Variants in ADAMTSL1 observed in about 807,000 individuals in gnomAD.
ADAMTSL1 encodes ADAMTS like 1, also known as ADAMTS-like protein 1.
A neutral mutation model predicts 201.8 loss-of-function variants in ADAMTSL1; 126 were observed. The observed-to-expected ratio is 0.62, with a 90% CI of 0.54 to 0.72. ADAMTSL1 has a LOEUF of 0.72. ADAMTSL1 is among the 30% of genes least tolerant of loss of function. The pLI, the probability that ADAMTSL1 is intolerant of heterozygous loss-of-function variation, is 0.00. For synonymous variants in ADAMTSL1, 1,121 were observed against 903.4 expected (o/e 1.24, Z -4.32); for missense variants, 2,679 against 2,277.8 (o/e 1.18, Z -3.59).
At chr9:18,115,342 G>T (rs1294012269) in intron 1 of ADAMTSL1, among the ~76,000 whole-genome samples, 1 of 152,122 alleles carries the variant, frequency 6.6e-6, no homozygotes, top group African/African-American at 2.4e-5. Context: ...ATTTCTGGAA[G>T]GCAGGCAGGA....
intron 4 of ADAMTSL1, among the ~76,000 whole-genome samples, chr9:18,582,388 T>C (rs927605721): frequency 6.6e-6 from 1 of 152,198 alleles, no homozygotes; most frequent in Non-Finnish European, 1.5e-5. Flanking sequence ...TTGTTTGATA[T>C]GGTTTGGCTG....
intron 2 of ADAMTSL1, among the ~76,000 whole-genome samples, chr9:18,464,347 T>A (rs944639254): frequency 3.9e-5 from 6 of 152,240 alleles, no homozygotes; most frequent in African/African-American, 1.4e-4. Context: ...AGAGATTTGA[T>A]TAACAAAAAC....
At chr9:18,150,358 G>A (rs148061041) in intron 1 of ADAMTSL1, among the ~76,000 whole-genome samples, 1 of 152,078 alleles carries the variant, frequency 6.6e-6, no homozygotes, top group Non-Finnish European at 1.5e-5. Context: ...CAAGCAAAAG[G>A]GATGACCTAC....
chr9:18,159,220 A>G (rs1827283378), intron 1 of ADAMTSL1, among the ~76,000 whole-genome samples: 1 of 152,068 alleles, frequency 6.6e-6, no homozygotes. Context: ...CAGGCATAAC[A>G]TATTTTACAG....
intron 1 of ADAMTSL1, among the ~76,000 whole-genome samples, chr9:18,104,701 C>A (rs1163729993): frequency 6.6e-6 from 1 of 152,136 alleles, no homozygotes; most frequent in Admixed American, 6.5e-5. Context: ...TGCAGCATAT[C>A]CTTGTAACAA....
chr9:18,823,573 A>C (rs1490916996), intron 21 of ADAMTSL1, among the ~76,000 whole-genome samples: 1 of 151,596 alleles, frequency 6.6e-6, no homozygotes, highest in East Asian at 1.9e-4. Context: ...TGTCACTCTC[A>C]CTCTCATTTT....
At chr9:18,512,684 TC>T (rs888181524) in intron 2 of ADAMTSL1, among the ~76,000 whole-genome samples, 1 of 152,160 alleles carries the variant, frequency 6.6e-6, no homozygotes, top group African/African-American at 2.4e-5. Flanking sequence ...TAAGAGAAGT[TC>T]CCCCAGTTCT....
chr9:18,504,635 C>G (rs1207430523), intron 1 of ADAMTSL1, among the ~76,000 whole-genome samples, 194 bp from the exon 2 acceptor site: 1 of 152,068 alleles, frequency 6.6e-6, no homozygotes, highest in Admixed American at 6.5e-5. Context: ...TGCCCAGGGC[C>G]CTTAAATTTA....
intron 9 of ADAMTSL1, among the ~76,000 whole-genome samples, chr9:18,668,535 A>T (rs1038396940): frequency 1.3e-5 from 2 of 152,166 alleles, no homozygotes; most frequent in Non-Finnish European, 2.9e-5. Flanking sequence ...AGTAGGTATT[A>T]TTTCCATCCT....
intron 1 of ADAMTSL1, among the ~76,000 whole-genome samples, chr9:18,101,236 G>A (rs963537204): frequency 6.6e-6 from 1 of 152,212 alleles, no homozygotes; most frequent in South Asian, 2.1e-4. Flanking sequence ...GGTGGCTCAC[G>A]TCTATAATCT....
chr9:18,364,828 G>A (rs1182616007), intron 2 of ADAMTSL1, among the ~76,000 whole-genome samples: 1 of 152,118 alleles, frequency 6.6e-6, no homozygotes, highest in Non-Finnish European at 1.5e-5. Flanking sequence ...GCTGGAGCAG[G>A]AGGGAGAGAG....
At position 18,308,479 on chromosome 9, in the gene ADAMTSL1, G is replaced by A. The variant is rs192633562; in HGVS notation, c.207+144498G>A. Among the ~76,000 whole-genome samples the A allele has an allele frequency of 2.6e-3, 393 of 152,108 alleles. 3 individuals are homozygous for A. Among genetic ancestry groups the A allele is most frequent in the Middle Eastern group, 3.4e-3 (1 of 292 alleles). On this transcript the variant is annotated intron_variant, in intron 2 of 29. Transcript: ENST00000680146. ...AAGGAGAAAAGAGAAGAATCAAATA[G>A]ACACCATAAAAAATGATAAAGAGGA...
Position 18,786,538 on chromosome 9 carries a change from C to T in ADAMTSL1, c.3677+8632C>T, listed in dbSNP as rs560538269. Reference sequence around the variant, plus strand: ...TCTGCCCTTCGGACTAGCAGAAGTGCAAAGAACAGAAATAATGTCTGTAAC... The same window carrying T: ...TCTGCCCTTCGGACTAGCAGAAGTGTAAAGAACAGAAATAATGTCTGTAAC... On this transcript the variant is annotated intron_variant, in intron 19 of 28. Transcript: ENST00000380548. Among the ~76,000 whole-genome samples the T allele has an allele frequency of 5.9e-5, 9 of 152,292 alleles. No homozygotes were observed. In the East Asian group the frequency reaches 1.4e-3, roughly 23 times the overall value.
At chr9:18,022,014 G>A (rs1820497522) in intron 1 of ADAMTSL1, among the ~76,000 whole-genome samples, 1 of 151,992 alleles carries the variant, frequency 6.6e-6, no homozygotes, top group Admixed American at 6.6e-5. Flanking sequence ...TGAGGAGGGT[G>A]GCGGTTAAAG....
chr9:18,278,157 A>T (rs189756787), intron 2 of ADAMTSL1, among the ~76,000 whole-genome samples: 37 of 152,272 alleles, frequency 2.4e-4, no homozygotes, highest in Admixed American at 5.9e-4. Flanking sequence ...ATACTTTATC[A>T]TTAAACTTTT....
chr9:18,087,074 C>T (rs368400683), intron 1 of ADAMTSL1, among the ~76,000 whole-genome samples: 1 of 152,118 alleles, frequency 6.6e-6, no homozygotes, highest in Non-Finnish European at 1.5e-5. Flanking sequence ...ATGTTTAATT[C>T]TTGCTTTGCT....
At chr9:17,913,600 C>T (rs578150942) in intron 1 of ADAMTSL1, among the ~76,000 whole-genome samples, 3,004 of 152,062 alleles carry the variant, frequency 0.02, 104 homozygotes, top group African/African-American at 0.069. Flanking sequence ...CCTAACATCA[C>T]AATTAAAAGA....
intron 1 of ADAMTSL1, among the ~76,000 whole-genome samples, chr9:18,065,522 C>T (rs891985644): frequency 1.3e-5 from 2 of 152,130 alleles, no homozygotes; most frequent in African/African-American, 4.8e-5. Context: ...CTTTATATCA[C>T]CACCATAAGT....
intron 2 of ADAMTSL1, among the ~76,000 whole-genome samples, chr9:18,172,976 C>A (rs906238246): frequency 6.6e-6 from 1 of 152,060 alleles, no homozygotes; most frequent in Non-Finnish European, 1.5e-5. Context: ...TCGCTAACCT[C>A]TTTAGGCAGA....
Sources: allele counts gnomAD v4.1 joint callset (sites outside exome capture counted in the v4.1 genomes callset), GRCh38; gene constraint gnomAD v4.1.1; transcripts MANE v1.5; gene names NCBI Gene and HGNC (gene_info 2026-07-23, HGNC 2026-07-21).